Variants in MAGED1 observed in about 807,000 individuals in gnomAD.
MAGED1 encodes MAGE family member D1.
A neutral mutation model predicts 54.1 loss-of-function variants in MAGED1; 3 were observed. The observed-to-expected ratio is 0.06, with a 90% confidence interval of 0.03 to 0.14. The LOEUF (loss-of-function observed/expected upper bound fraction) is 0.14. Among genes scored for constraint, MAGED1 ranks in the 10% least tolerant of loss-of-function variants. The pLI, the probability that MAGED1 is intolerant of heterozygous loss-of-function variation, is 1.00. For missense variants in MAGED1, 485 were observed against 623.4 expected, an observed-to-expected ratio of 0.78 and a Z score of 2.36; for synonymous variants, 217 against 227.3, an observed-to-expected ratio of 0.95 and a Z score of 0.41.
chrX:51,894,979 C>T (rs1928661571), intron 2 of MAGED1, 74 bp from the exon 3 acceptor site: 3 of 974,254 alleles, frequency 3.1e-6, no homozygotes, highest in Non-Finnish European at 4.2e-6. Flanking sequence ...CGCTGCCACC[C>T]GGGCTCCCTA....
intron 1 of MAGED1, among the ~76,000 whole-genome samples, chrX:51,876,974 A>G (rs1557362060): frequency 9.0e-6 from 1 of 111,668 alleles, no homozygotes; most frequent in African/African-American, 3.2e-5. Flanking sequence ...AAGGTAAATT[A>G]CTAAGAAAGT....
chrX:51,878,416 A>G (rs1927949405), intron 1 of MAGED1, among the ~76,000 whole-genome samples: 1 of 111,865 alleles, frequency 8.9e-6, no homozygotes. Context: ...TCTTATTAAC[A>G]TCAAAATTCA....
intron 11 of MAGED1, among the ~76,000 whole-genome samples, chrX:51,900,821 A>G (rs1466163572): frequency 4.5e-5 from 5 of 111,451 alleles, no homozygotes; most frequent in Non-Finnish European, 9.4e-5. Context: ...TCTATTAGAG[A>G]CAGGGTTTTG....
Position 51,811,575 on chromosome X carries a change from G to T in MAGED1, c.-37+8458G>T, listed in dbSNP as rs781884985. Among the ~76,000 whole-genome samples, 5 of 111,548 alleles carry T rather than the reference G, an allele frequency of 4.5e-5. No homozygotes were observed. The East Asian group carries it at 1.4e-3, about 31-fold the overall frequency. ...AAGGGGTGTTCTAGAAATCATTGAA[G>T]AATGTGGGGAAGCTTATTTTTTAAG... On this transcript the variant is annotated intron_variant, in intron 1 of 12. Coordinates refer to the MAGED1 transcript ENST00000375772.
intron 1 of MAGED1, among the ~76,000 whole-genome samples, chrX:51,839,122 T>C (rs1926363163): frequency 1.8e-5 from 2 of 111,838 alleles, no homozygotes; most frequent in Admixed American, 9.5e-5. Flanking sequence ...CTTATGGCCA[T>C]TCCTCTGCCA....
chrX:51,806,263 C>T (rs137957949), intron 1 of MAGED1, among the ~76,000 whole-genome samples: 5 of 110,829 alleles, frequency 4.5e-5, no homozygotes, highest in South Asian at 3.8e-4. Flanking sequence ...TGAGCCACCG[C>T]GCCCGGCCAG....
chrX:51,881,637 G>A (rs894307232), intron 1 of MAGED1, among the ~76,000 whole-genome samples: 5 of 109,286 alleles, frequency 4.6e-5, no homozygotes, highest in Non-Finnish European at 7.6e-5. Context: ...GGCTGGTCTC[G>A]AACTCCTGAC....
At chrX:51,832,827 G>C (rs1420297477) in intron 1 of MAGED1, among the ~76,000 whole-genome samples, 1 of 111,337 alleles carries the variant, frequency 9.0e-6, no homozygotes, top group Non-Finnish European at 1.9e-5. Context: ...AGATAGGTAG[G>C]AGAATCAGCA....
chrX:51,892,945 CCTG>C (rs782352240), upstream of MAGED1, among the ~76,000 whole-genome samples: 1 of 111,255 alleles, frequency 9.0e-6, no homozygotes, highest in African/African-American at 3.3e-5. Context: ...CAGCACAAAT[CCTG>C]CTGTGATGTA....
At chrX:51,881,696 C>T (rs1223452320) in intron 1 of MAGED1, among the ~76,000 whole-genome samples, 1 of 111,510 alleles carries the variant, frequency 9.0e-6, no homozygotes, top group Non-Finnish European at 1.9e-5. Flanking sequence ...GGATTACAGG[C>T]ATGAACCATT....
chrX:51,901,230 C>T (rs1557364904), intron 11 of MAGED1, among the ~76,000 whole-genome samples: 1 of 111,901 alleles, frequency 8.9e-6, no homozygotes, highest in Admixed American at 9.5e-5. Flanking sequence ...TCTCCCTATC[C>T]CTCCTGACCC....
chrX:51,887,251 A>G (rs1192515981), intron 1 of MAGED1, among the ~76,000 whole-genome samples: 1 of 112,093 alleles, frequency 8.9e-6, no homozygotes. Context: ...AATGTAAAAA[A>G]TGATATTAAT....
chrX:51,812,926 C>CT lies in MAGED1; in HGVS notation c.-37+9824dup, dbSNP rs782006688. Among the ~76,000 whole-genome samples the CT allele has an allele frequency of 5.7e-3, 525 of 92,198 alleles. 3 individuals carry two copies. The highest frequency in any genetic ancestry group is 0.023 in the East Asian group (70 of 3,015). The allele number at this position is 92,198 out of a possible 115,157, so 80.1% of individuals were successfully genotyped here. ...ATCCTTGCTAACACTTGTTGTTTTC[C>CT]TTTTTTTTTTTTTTTAAATTACAAC... On this transcript the variant is annotated intron_variant, in intron 1 of 12. Coordinates refer to the MAGED1 transcript ENST00000375772.
intron 1 of MAGED1, among the ~76,000 whole-genome samples, chrX:51,852,828 C>A (rs1350748905): frequency 8.9e-6 from 1 of 111,818 alleles, no homozygotes; most frequent in African/African-American, 3.2e-5. Context: ...TCTGGAATTT[C>A]TTAGCTAGTT....
At chrX:51,867,159 A>G (rs782143864) in intron 1 of MAGED1, among the ~76,000 whole-genome samples, 1 of 111,666 alleles carries the variant, frequency 9.0e-6, no homozygotes, top group Non-Finnish European at 1.9e-5. Flanking sequence ...AGATTTACCT[A>G]AACCACCATA....
upstream of MAGED1, among the ~76,000 whole-genome samples, chrX:51,890,302 G>C (rs190467364): frequency 7.9e-3 from 892 of 112,515 alleles, 6 homozygotes; most frequent in Non-Finnish European, 0.013. Context: ...CAACTGAAAA[G>C]TCGTGCCTGG....
At chrX:51,814,721 TGTA>T (rs1925352616) in intron 1 of MAGED1, among the ~76,000 whole-genome samples, 1 of 110,904 alleles carries the variant, frequency 9.0e-6, no homozygotes, top group Non-Finnish European at 1.9e-5. Flanking sequence ...GTTGTAACAT[TGTA>T]GTGCAATGCG....
intron 1 of MAGED1, among the ~76,000 whole-genome samples, chrX:51,878,935 A>G (rs1557362261): frequency 9.0e-6 from 1 of 110,965 alleles, no homozygotes; most frequent in Non-Finnish European, 1.9e-5. Context: ...TGGTTATTCT[A>G]TCCTTTACTT....
At chrX:51,807,910 C>T (rs1016807307) in intron 1 of MAGED1, among the ~76,000 whole-genome samples, 2 of 111,372 alleles carry the variant, frequency 1.8e-5, no homozygotes, top group Admixed American at 9.5e-5. Flanking sequence ...TTTCCTTATA[C>T]GTTTTAGAGC....
Sources: allele counts gnomAD v4.1 joint callset (sites outside exome capture counted in the v4.1 genomes callset), GRCh38; gene constraint gnomAD v4.1.1; transcripts MANE v1.5; gene names NCBI Gene and HGNC (gene_info 2026-07-23, HGNC 2026-07-21).